The following GRID1 variants were observed in gnomAD, a reference collection of about 807,000 sequenced individuals.
GRID1 encodes the protein glutamate ionotropic receptor delta type subunit 1.
Under a neutral mutation model 98.0 loss-of-function variants are expected in GRID1, and 28 were observed. The observed-to-expected ratio is 0.29, with a 90% CI of 0.21 to 0.39. GRID1 has a LOEUF of 0.39. Ranked by LOEUF, GRID1 falls within the 10% of genes least tolerant of loss-of-function variation. The probability of loss-of-function intolerance (pLI) is 1.00; values close to 1 mark genes in which losing one functional copy is unlikely to be tolerated. For synonymous variants in GRID1, 553 were observed against 538.5 expected (o/e 1.03, Z -0.37); for missense variants, 1,111 against 1,340.5 (o/e 0.83, Z 2.67).
At chr10:86,338,436 T>G (rs56330831) in intron 2 of GRID1, among the ~76,000 whole-genome samples, 38,782 of 152,094 alleles carry the variant, frequency 0.25, 6,879 homozygotes, top group East Asian at 0.5. Flanking sequence ...GAATCCAGCC[T>G]GCCCTGAATC....
intron 13 of GRID1, among the ~76,000 whole-genome samples, chr10:85,639,064 T>G (rs1843082992): frequency 6.6e-6 from 1 of 152,178 alleles, no homozygotes; most frequent in African/African-American, 2.4e-5. Context: ...AATTTCACCC[T>G]TTCAAATTTA....
At chr10:85,983,796 T>C (rs1842575316) in intron 4 of GRID1, among the ~76,000 whole-genome samples, 1 of 152,014 alleles carries the variant, frequency 6.6e-6, no homozygotes, top group Non-Finnish European at 1.5e-5. Context: ...TCAGGGGCTC[T>C]CCCTCCCCAA....
At chr10:85,927,532 G>A (rs1450916421) in intron 4 of GRID1, among the ~76,000 whole-genome samples, 6 of 151,402 alleles carry the variant, frequency 4.0e-5, no homozygotes, top group African/African-American at 1.5e-4. Context: ...AAAATCTGTG[G>A]GAAAGTTGGA....
chr10:86,108,937 C>G (rs960817168), intron 4 of GRID1, among the ~76,000 whole-genome samples: 2 of 152,074 alleles, frequency 1.3e-5, no homozygotes, highest in South Asian at 4.1e-4. Context: ...CTTCCCTCTC[C>G]GAGCCCCTCC....
At chr10:86,321,468 T>C (rs542595843) in intron 2 of GRID1, among the ~76,000 whole-genome samples, 8 of 152,280 alleles carry the variant, frequency 5.3e-5, no homozygotes, top group South Asian at 2.1e-4. Flanking sequence ...AGGAGCTGGA[T>C]TTTTTAAAAA....
At chr10:85,776,146 C>T (rs779554428) in intron 8 of GRID1, among the ~76,000 whole-genome samples, 1 of 152,136 alleles carries the variant, frequency 6.6e-6, no homozygotes, top group East Asian at 1.9e-4. Context: ...TTCTTAACTA[C>T]GATGCCCTTG....
intron 2 of GRID1, among the ~76,000 whole-genome samples, chr10:86,273,278 T>C (rs1847213657): frequency 1.4e-5 from 2 of 145,474 alleles, no homozygotes; most frequent in South Asian, 4.7e-4. Context: ...TTCCATGGTG[T>C]ATATGTGCCA....
chr10:85,873,212 C>T (rs1843296125), intron 5 of GRID1, among the ~76,000 whole-genome samples: 1 of 152,204 alleles, frequency 6.6e-6, no homozygotes, highest in Non-Finnish European at 1.5e-5. Context: ...CTATGAGACA[C>T]CCCGACCTCG....
intron 4 of GRID1, among the ~76,000 whole-genome samples, chr10:86,009,946 C>T (rs76339199): frequency 1.4e-3 from 206 of 152,294 alleles, no homozygotes; most frequent in Non-Finnish European, 2.5e-3. Flanking sequence ...AAAATGAGAC[C>T]TCTCCACTTC....
chr10:86,308,976 T>C (rs1362656339), intron 2 of GRID1, among the ~76,000 whole-genome samples: 1 of 152,198 alleles, frequency 6.6e-6, no homozygotes, highest in African/African-American at 2.4e-5. Context: ...AATTTCAACA[T>C]GCGTTTTGGA....
chr10:86,246,173 T>C (rs892489113), intron 2 of GRID1, among the ~76,000 whole-genome samples: 8 of 152,178 alleles, frequency 5.3e-5, no homozygotes, highest in African/African-American at 1.9e-4. Context: ...CCAGAACCTC[T>C]CTGGCCTTGA....
chr10:85,742,251 A>G (rs1268051618), intron 8 of GRID1, among the ~76,000 whole-genome samples: 1 of 152,168 alleles, frequency 6.6e-6, no homozygotes, highest in East Asian at 1.9e-4. Flanking sequence ...TAACTATTCC[A>G]TAAAGGACCA....
intron 4 of GRID1, among the ~76,000 whole-genome samples, chr10:85,930,923 C>A (rs1277419535): frequency 2.6e-5 from 4 of 152,102 alleles, no homozygotes; most frequent in African/African-American, 9.7e-5. Context: ...CTCACTTCAG[C>A]CTTGACCTCC....
At chr10:86,119,245 A>C (rs1392152284) in intron 4 of GRID1, among the ~76,000 whole-genome samples, 1 of 152,150 alleles carries the variant, frequency 6.6e-6, no homozygotes, top group Non-Finnish European at 1.5e-5. Context: ...TGAAATGGGA[A>C]GATTGCTTGA....
At chr10:86,283,911 C>A (rs951197547) in intron 2 of GRID1, among the ~76,000 whole-genome samples, 1 of 150,954 alleles carries the variant, frequency 6.6e-6, no homozygotes, top group Non-Finnish European at 1.5e-5. Flanking sequence ...TATATACACA[C>A]CTGCCCTCAC....
At chr10:85,938,732 CAA>C (rs897742854) in intron 4 of GRID1, among the ~76,000 whole-genome samples, 1 of 152,128 alleles carries the variant, frequency 6.6e-6, no homozygotes, top group Non-Finnish European at 1.5e-5. Flanking sequence ...TCACCAGTAA[CAA>C]TAGATTAGAA....
chr10:86,023,998 T>C (rs1387599067), intron 4 of GRID1, among the ~76,000 whole-genome samples: 2 of 152,180 alleles, frequency 1.3e-5, no homozygotes, highest in African/African-American at 4.8e-5. Flanking sequence ...GTTAAATTAA[T>C]GCCTTCCTCT....
At chr10:86,085,920 G>C (rs923791402) in intron 4 of GRID1, among the ~76,000 whole-genome samples, 1 of 151,962 alleles carries the variant, frequency 6.6e-6, no homozygotes, top group African/African-American at 2.4e-5. Context: ...CCAGCATCCC[G>C]AGCTTGCTTC....
At chr10:85,731,674 C>T (rs1312509268) in intron 8 of GRID1, among the ~76,000 whole-genome samples, 1 of 151,570 alleles carries the variant, frequency 6.6e-6, no homozygotes, top group African/African-American at 2.4e-5. Flanking sequence ...TGGTGGCATA[C>T]TCCTGTAGTC....
Sources: gnomAD v4.1 joint callset for allele counts (sites outside exome capture counted in the v4.1 genomes callset) on GRCh38, gnomAD v4.1.1 for gene constraint, MANE v1.5 for transcripts, NCBI Gene and HGNC (gene_info 2026-07-23, HGNC 2026-07-21) for gene names.